Variants in CAST observed in about 807,000 individuals in gnomAD.
CAST encodes MIR583 host.
A neutral mutation model predicts 119.6 loss-of-function variants in CAST; 76 were observed. The ratio of observed to expected loss-of-function variants is 0.64; its 90% confidence interval spans 0.53 to 0.77. The LOEUF is 0.77. Among genes scored for constraint, CAST ranks in the 30% least tolerant of loss-of-function variants. CAST has a pLI of 0.00. For missense variants in CAST, 953 were observed against 946.5 expected (o/e 1.01, Z -0.09); for synonymous variants, 319 against 331.6 (o/e 0.96, Z 0.41).
At chr5:95,994,468 G>A in the CAST span, among the ~76,000 whole-genome samples, 74 of 152,220 alleles carry the variant, frequency 4.9e-4, no homozygotes, top group East Asian at 0.014. Context: ...CTGGGTGTTA[G>A]GGGGAGGGTG....
At chr5:96,699,793 A>G (rs1387641593) in intron 3 of CAST, among the ~76,000 whole-genome samples, 5 of 152,138 alleles carry the variant, frequency 3.3e-5, no homozygotes, top group African/African-American at 1.2e-4. Context: ...AGGTTTTTCA[A>G]ATATGTGGCC....
At chr5:96,118,768 G>A in the CAST span, among the ~76,000 whole-genome samples, 6 of 151,680 alleles carry the variant, frequency 4.0e-5, no homozygotes, top group Admixed American at 6.6e-5. Flanking sequence ...ATTAACAAGA[G>A]CCTTCTTTCT....
chr5:96,156,399 G>A, the CAST span, among the ~76,000 whole-genome samples: 1 of 152,264 alleles, frequency 6.6e-6, no homozygotes, highest in South Asian at 2.1e-4. Context: ...AAGGAGACCA[G>A]TAGAAAGCAT....
Position 96,729,782 on chromosome 5 carries a change from T to C in CAST, c.549+57T>C, listed in dbSNP as rs2150443023. ...ACATCAACTGGATAATAAGATACGG[T>C]TCCCCTGTTCACACTGAGGTGTGTA... is the stretch of plus-strand genomic sequence containing the variant. On this transcript the variant is annotated intron_variant, in intron 8 of 31. Coordinates refer to ENST00000675179, the MANE Select transcript of CAST (RefSeq NM_001750.7). 17 of 784,220 alleles carry C rather than the reference T, an allele frequency of 2.2e-5. 1 individual carries two copies. In the South Asian group the frequency reaches 2.4e-4, roughly 11 times the overall value. The allele number at this position is 784,220 out of a possible 1,614,324, so 48.6% of individuals were successfully genotyped here. A position where few individuals can be genotyped will look rare whatever the true frequency, so the allele number is the denominator to read the frequency against.
At chr5:96,714,146 A>G (rs1000071485) in intron 3 of CAST, among the ~76,000 whole-genome samples, 1 of 152,126 alleles carries the variant, frequency 6.6e-6, no homozygotes, top group Non-Finnish European at 1.5e-5. Flanking sequence ...CCCTCATTTA[A>G]TCCTCACTGC....
chr5:96,327,773 C>T, the CAST span, among the ~76,000 whole-genome samples: 1 of 152,192 alleles, frequency 6.6e-6, no homozygotes, highest in South Asian at 2.1e-4. Flanking sequence ...GATTCAACAA[C>T]TCACTCTAGG....
At chr5:96,097,471 T>C in the CAST span, among the ~76,000 whole-genome samples, 1 of 152,126 alleles carries the variant, frequency 6.6e-6, no homozygotes, top group Non-Finnish European at 1.5e-5. Flanking sequence ...TAGTTATTTT[T>C]CCTGATTCTT....
At chr5:96,662,942 G>C (rs1371528431) in intron 1 of CAST, 1 of 588,734 alleles carries the variant, frequency 1.7e-6, no homozygotes, top group Non-Finnish European at 3.0e-6. Flanking sequence ...CAAATTGGGC[G>C]GGCGAGGAGG....
At chr5:96,316,545 A>G in the CAST span, among the ~76,000 whole-genome samples, 2 of 152,356 alleles carry the variant, frequency 1.3e-5, no homozygotes, top group African/African-American at 2.4e-5. Flanking sequence ...AGCATCAGAT[A>G]AAGCCCTGCT....
At chr5:96,655,037 A>G (rs1161765468) in intron 1 of CAST, among the ~76,000 whole-genome samples, 1 of 152,220 alleles carries the variant, frequency 6.6e-6, no homozygotes, top group African/African-American at 2.4e-5. Flanking sequence ...TAGCTCTACA[A>G]TGTACATGCT....
the CAST span, among the ~76,000 whole-genome samples, chr5:96,001,836 A>G: frequency 1.3e-5 from 2 of 152,192 alleles, no homozygotes; most frequent in Non-Finnish European, 2.9e-5. Flanking sequence ...AGCACCTTCA[A>G]ATCTGAATAT....
chr5:96,385,821 T>A, the CAST span, among the ~76,000 whole-genome samples: 2 of 152,174 alleles, frequency 1.3e-5, no homozygotes, highest in African/African-American at 4.8e-5. Context: ...TCTCATGAGG[T>A]TAAAATTGTT....
chr5:96,412,462 C>T, the CAST span: 19 of 1,613,890 alleles, frequency 1.2e-5, no homozygotes, highest in South Asian at 1.1e-4. Flanking sequence ...CAATAGCATC[C>T]GTCACAATGC....
chr5:96,004,578 T>G, the CAST span, among the ~76,000 whole-genome samples: 1 of 152,194 alleles, frequency 6.6e-6, no homozygotes. Context: ...AGTGATCAGG[T>G]TTTCTTCAAG....
the CAST span, among the ~76,000 whole-genome samples, chr5:96,400,500 T>G: frequency 6.6e-6 from 1 of 152,184 alleles, no homozygotes. Context: ...TGCTTCCATT[T>G]AACTGAGCAA....
At chr5:96,027,749 A>G in the CAST span, among the ~76,000 whole-genome samples, 1 of 152,168 alleles carries the variant, frequency 6.6e-6, no homozygotes, top group Non-Finnish European at 1.5e-5. Flanking sequence ...AACAGGTCAG[A>G]CCAAAATATC....
the CAST span, among the ~76,000 whole-genome samples, chr5:96,058,684 G>C: frequency 6.6e-6 from 1 of 152,172 alleles, no homozygotes; most frequent in East Asian, 1.9e-4. Context: ...ACCCAGGAAG[G>C]GAATGACTTG....
chr5:96,736,814 A>C lies in CAST; in HGVS notation c.699+574A>C, dbSNP rs942489695. On this transcript the variant is annotated intron_variant, in intron 10 of 31. Transcript: ENST00000675179. ...ATCAACATAAAAAATAGATAGAAGC[A>C]CTCTTATTTATTATTATATTAGTCC... 3.9e-5 allele frequency among the ~76,000 whole-genome samples: 6 copies of C among 151,928 alleles called. No individual in the cohort carries two copies. In the East Asian group the frequency reaches 1.2e-3, roughly 29 times the overall value.
At chr5:96,004,351 A>G in the CAST span, among the ~76,000 whole-genome samples, 1 of 152,232 alleles carries the variant, frequency 6.6e-6, no homozygotes, top group African/African-American at 2.4e-5. Flanking sequence ...ATTTAGAAAG[A>G]TTATGTGAAA....
Sources: allele counts gnomAD v4.1 joint callset (sites outside exome capture counted in the v4.1 genomes callset), GRCh38; gene constraint gnomAD v4.1.1; transcripts MANE v1.5; gene names NCBI Gene and HGNC (gene_info 2026-07-23, HGNC 2026-07-21).